The following CEP350 variants were observed in gnomAD, a reference collection of about 807,000 sequenced individuals.
CEP350 encodes centrosomal protein 350.
In CEP350, 126 loss-of-function variants were observed where a neutral mutation model predicts 331.8. The observed-to-expected ratio is 0.38, with a 90% confidence interval of 0.33 to 0.44. The LOEUF is 0.44. CEP350 is among the 20% of genes least tolerant of loss of function. CEP350 has a pLI of 1.00. For missense variants in CEP350, 3,406 were observed against 3,634.6 expected (o/e 0.94, Z 1.62); for synonymous variants, 1,200 against 1,259.5 (o/e 0.95, Z 1.00).
chr1:179,977,969 A>G (rs1296909972), intron 1 of CEP350, among the ~76,000 whole-genome samples: 2 of 150,464 alleles, frequency 1.3e-5, no homozygotes, highest in Non-Finnish European at 3.0e-5. Flanking sequence ...ATTTTATAAA[A>G]TAAAATATGT....
intron 17 of CEP350, among the ~76,000 whole-genome samples, chr1:180,037,903 C>A (rs1431101073): frequency 6.6e-6 from 1 of 152,140 alleles, no homozygotes; most frequent in African/African-American, 2.4e-5. Context: ...CCTGCCTCGG[C>A]CTCCCAAAGT....
chr1:180,040,372 G>T (rs1656679095), intron 17 of CEP350, among the ~76,000 whole-genome samples: 1 of 151,876 alleles, frequency 6.6e-6, no homozygotes, highest in Admixed American at 6.6e-5. Context: ...TATAATTCTG[G>T]GTTTCCAGAT....
rs753953630 is a variant in CEP350, at chr1:180,014,488, G to A, written c.2035G>A (p.Val679Ile). ...GCTTGAAGAGCCATCTCATCAACATGTTACGCAGGAAACACAGGTAATAGT... is the reference window on the plus strand; with the variant it reads ...GCTTGAAGAGCCATCTCATCAACATATTACGCAGGAAACACAGGTAATAGT... ...TLLEEPSHQHVTQETQAKPGY... is the reference protein window; with the variant it reads ...TLLEEPSHQHITQETQAKPGY... Residue 679 changes from valine to isoleucine, a missense_variant, in exon 10 of 38, where the codon GTT (valine) becomes ATT (isoleucine). Transcript: ENST00000367607. 6.2e-7 allele frequency: 1 copy of A among 1,604,530 alleles called. No individual in the cohort carries two copies. Among genetic ancestry groups the A allele is most frequent in the East Asian group, 2.2e-5 (1 of 44,834 alleles).
chr1:180,003,182 C>T lies in CEP350; in HGVS notation c.1027C>T (p.Pro343Ser). 6.2e-7 allele frequency: 1 copy of T among 1,610,566 alleles called. No homozygotes were observed. Among genetic ancestry groups the T allele is most frequent in the South Asian group, 1.1e-5 (1 of 90,550 alleles). ...TTACTGGTATGTATTAGGTTTCAACCCTTCAGAGACCAAGATTCGAACACC... is the reference window on the plus strand; with the variant it reads ...TTACTGGTATGTATTAGGTTTCAACTCTTCAGAGACCAAGATTCGAACACC... The part of the protein sequence containing the change: ...PPAPAYKGFN[P>S]SETKIRTPDG... The change falls in exon 7 of 38, where the codon CCT becomes TCT. Residue 343 changes from proline to serine, a missense_variant. Around this residue, in one of 5 missense-constraint regions of CEP350, gnomAD observed 1,857 missense variants for 1,909.2 expected, o/e 0.97. Transcript: ENST00000367607.
At position 179,996,926 on chromosome 1, in the gene CEP350, T is replaced by G; in HGVS notation, c.769T>G (p.Ser257Ala). Residue 257 changes from serine to alanine, a missense_variant, in exon 6 of 38, where the codon TCT becomes GCT. By Grantham distance (99) the Ser-to-Ala change is moderately conservative. Transcript: ENST00000367607. The stretch of plus-strand genomic sequence containing the variant: ...TCCAAAAGCGTTACGACTAACTGAC[T>G]CTTCTCCATCCTCTACTAGTACTTC... ...TDPKALRLTD[S>A]SPSSTSTSNS... 1 of 1,614,042 alleles carries G rather than the reference T, an allele frequency of 6.2e-7. No homozygotes were observed. The highest frequency in any genetic ancestry group is 8.5e-7 in the Non-Finnish European group (1 of 1,179,900).
chr1:180,031,467 T>C lies in CEP350; in HGVS notation c.3698T>C (p.Leu1233Ser), dbSNP rs373728406. ...FEQTLDTDST[L>S]EDLSGHSVSV... ...CAGACTCTTGATACAGATAGCACTTTGGAGGATCTTTCTGGACATTCTGTG... is the reference window on the plus strand; with the variant it reads ...CAGACTCTTGATACAGATAGCACTTCGGAGGATCTTTCTGGACATTCTGTG... Residue 1233 changes from leucine to serine, a missense_variant, in exon 15 of 38, where the codon TTG becomes TCG. Physicochemically the swap from Leu to Ser is moderately radical, Grantham distance 145. Transcript: ENST00000367607. The C allele has an allele frequency of 7.2e-6, 11 of 1,535,120 alleles. No homozygotes were observed. The highest frequency in any genetic ancestry group is 7.0e-6 in the Non-Finnish European group (8 of 1,139,162).
At chr1:179,972,786 TGA>T (rs1651548363) in intron 1 of CEP350, among the ~76,000 whole-genome samples, 1 of 152,106 alleles carries the variant, frequency 6.6e-6, no homozygotes, top group Admixed American at 6.6e-5. Flanking sequence ...GTGATTTTAA[TGA>T]GAGTTATTCA....
At chr1:179,980,439 T>G (rs1490370383) in intron 1 of CEP350, among the ~76,000 whole-genome samples, 1 of 152,062 alleles carries the variant, frequency 6.6e-6, no homozygotes, top group Non-Finnish European at 1.5e-5. Flanking sequence ...AATTTTTTTT[T>G]GGTGGAGTCT....
At chr1:179,974,303 A>ATC (rs1397939019) in intron 1 of CEP350, among the ~76,000 whole-genome samples, 3 of 151,988 alleles carry the variant, frequency 2.0e-5, no homozygotes, top group Non-Finnish European at 4.4e-5. Context: ...GATGGTCTCG[A>ATC]TCTCCTGACC....
intron 2 of CEP350, 28 bp from the exon 3 acceptor site, chr1:179,987,212 A>G (rs1231435414): frequency 1.5e-6 from 2 of 1,312,092 alleles, no homozygotes; most frequent in Non-Finnish European, 2.1e-6. Flanking sequence ...TGGTTGATTG[A>G]TAAAGTAAAT....
intron 3 of CEP350, among the ~76,000 whole-genome samples, chr1:179,988,900 A>G (rs1443450295): frequency 2.0e-5 from 3 of 152,062 alleles, no homozygotes; most frequent in African/African-American, 7.2e-5. Context: ...ATAGCAATAT[A>G]TATTCTCTTT....
Position 180,022,688 on chromosome 1 carries a change from CT to C in CEP350, c.3236-6del, listed in dbSNP as rs778182725. 6.9e-6 allele frequency: 11 copies of C among 1,605,060 alleles called. No homozygotes were observed. Among genetic ancestry groups the C allele is most frequent in the Non-Finnish European group, 8.5e-6 (10 of 1,176,308 alleles). ...GTTTTTAACCATGTTTCAATTATTA[CT>C]TTTGTCAGGGTTTGAAGACAAGTTG... On this transcript the variant is annotated splice_polypyrimidine_tract_variant and intron_variant, in intron 12 of 37. Coordinates refer to ENST00000367607, the MANE Select transcript of CEP350 (RefSeq NM_014810.5).
At chr1:179,970,306 A>G (rs1651349379) in intron 1 of CEP350, among the ~76,000 whole-genome samples, 2 of 152,190 alleles carry the variant, frequency 1.3e-5, no homozygotes, top group Admixed American at 1.3e-4. Context: ...TGAGGTTTAT[A>G]TTTTATAAGT....
chr1:179,977,864 A>G (rs1651983349), intron 1 of CEP350, among the ~76,000 whole-genome samples: 1 of 151,734 alleles, frequency 6.6e-6, no homozygotes, highest in African/African-American at 2.4e-5. Flanking sequence ...CTGTACAGCA[A>G]TAGTTTATAT....
intron 1 of CEP350, among the ~76,000 whole-genome samples, chr1:179,981,986 T>TGAC (rs1023520365): frequency 6.6e-6 from 1 of 152,006 alleles, no homozygotes; most frequent in African/African-American, 2.4e-5. Flanking sequence ...GGTAACAGAG[T>TGAC]GACACCTTGT....
chr1:180,094,242 G>C lies in CEP350; in HGVS notation c.8137G>C (p.Glu2713Gln), dbSNP rs2149135714. Residue 2713 changes from glutamate (E) to glutamine (Q), a missense_variant, in exon 34 of 38, where the codon GAA (glutamate) becomes CAA (glutamine). This residue lies in a region of CEP350 where 1,415 missense variants were observed against 1,512.3 expected (regional missense o/e 0.94). Coordinates refer to ENST00000367607, the MANE Select transcript of CEP350 (RefSeq NM_014810.5). ...AGACAACCTATATGCTGAAGCTTCA[G>C]AAAAGCTTTGTACACCACTTCTGGA... Reference protein sequence around the residue: ...EEDNLYAEASEKLCTPLLDLL... With the variant: ...EEDNLYAEASQKLCTPLLDLL... The C allele has an allele frequency of 6.2e-7, 1 of 1,613,098 alleles. No individual in the cohort carries two copies. Among genetic ancestry groups the C allele is most frequent in the South Asian group, 1.1e-5 (1 of 90,966 alleles).
chr1:180,044,206 T>C, intron 21 of CEP350, 33 bp downstream of exon 21: 1 of 1,510,996 alleles, frequency 6.6e-7, no homozygotes, highest in Non-Finnish European at 8.9e-7. Flanking sequence ...GTCAGTACAG[T>C]TTAGTAGATT....
chr1:180,064,183 C>A (rs1658407109), intron 26 of CEP350, among the ~76,000 whole-genome samples: 1 of 151,940 alleles, frequency 6.6e-6, no homozygotes, highest in South Asian at 2.1e-4. Flanking sequence ...TAAGGCCATC[C>A]TCACTGTGCT....
intron 33 of CEP350, among the ~76,000 whole-genome samples, chr1:180,091,264 C>T (rs1379951268): frequency 6.6e-6 from 1 of 151,960 alleles, no homozygotes; most frequent in African/African-American, 2.4e-5. Flanking sequence ...CGCAGTCCTC[C>T]CACCTCAGCC....
Sources: allele counts gnomAD v4.1 joint callset (sites outside exome capture counted in the v4.1 genomes callset), GRCh38; gene constraint gnomAD v4.1.1; regional missense constraint gnomAD v4.1.1; transcripts MANE v1.5; gene names NCBI Gene and HGNC (gene_info 2026-07-23, HGNC 2026-07-21).